Variants in BMP2K observed in about 807,000 individuals in gnomAD.
BMP2K encodes BMP2 inducible kinase, also known as BMP-2-inducible protein kinase.
In BMP2K, 74 loss-of-function variants were observed where a neutral mutation model predicts 116.0. That is an observed-to-expected ratio of 0.64 (90% confidence interval 0.53 to 0.77). The LOEUF (loss-of-function observed/expected upper bound fraction) is 0.77, where lower values mean the gene tolerates loss of function less well. Ranked by LOEUF, BMP2K falls within the 30% of genes least tolerant of loss-of-function variation. The pLI is 0.00. For synonymous variants in BMP2K, 486 were observed against 502.5 expected (o/e 0.97, Z 0.44); for missense variants, 1,365 against 1,403.6 (o/e 0.97, Z 0.44).
chr4:78,812,011 T>C (rs1306931338), intron 1 of BMP2K, among the ~76,000 whole-genome samples: 1 of 152,210 alleles, frequency 6.6e-6, no homozygotes. Flanking sequence ...CTCGCTCTTA[T>C]CACCCAGGCT....
intron 1 of BMP2K, among the ~76,000 whole-genome samples, chr4:78,793,528 C>T (rs1286517945): frequency 6.6e-6 from 1 of 151,646 alleles, no homozygotes; most frequent in East Asian, 1.9e-4. Flanking sequence ...TTATATAACC[C>T]ATGTAAGCAG....
chr4:78,852,442 A>G (rs571212672), intron 7 of BMP2K, among the ~76,000 whole-genome samples: 8 of 152,276 alleles, frequency 5.3e-5, no homozygotes, highest in East Asian at 1.9e-4. Flanking sequence ...TGAAATTACA[A>G]TATTCCTAGT....
intron 7 of BMP2K, 162 bp from the exon 8 acceptor site, chr4:78,859,422 A>C: frequency 2.1e-6 from 1 of 481,982 alleles, no homozygotes; most frequent in South Asian, 4.0e-5. Context: ...TTTATAAAAT[A>C]GCAATTTCTG....
At chr4:78,878,682 T>G in intron 13 of BMP2K, 52 bp from the exon 14 acceptor site, 1 of 1,408,230 alleles carries the variant, frequency 7.1e-7, no homozygotes, top group Non-Finnish European at 9.7e-7. Flanking sequence ...AATTTTTATT[T>G]ATTTTAATTT....
At chr4:78,815,674 A>G (rs906833510) in intron 1 of BMP2K, among the ~76,000 whole-genome samples, 5 of 152,162 alleles carry the variant, frequency 3.3e-5, no homozygotes, top group Non-Finnish European at 2.9e-5. Context: ...CATACATTCA[A>G]TTACTAATAA....
chr4:78,896,049 C>T (rs1278580489), intron 15 of BMP2K, among the ~76,000 whole-genome samples: 1 of 152,178 alleles, frequency 6.6e-6, no homozygotes, highest in Admixed American at 6.6e-5. Context: ...GTGAGCCATC[C>T]TGCCAAGTCC....
At chr4:78,871,261 T>C (rs1381747979) in intron 11 of BMP2K, among the ~76,000 whole-genome samples, 1 of 152,202 alleles carries the variant, frequency 6.6e-6, no homozygotes, top group African/African-American at 2.4e-5. Context: ...ATAGGTTGCA[T>C]TGTGGCCTTA....
intron 1 of BMP2K, among the ~76,000 whole-genome samples, chr4:78,818,277 C>A (rs1355355155): frequency 6.6e-6 from 1 of 152,066 alleles, no homozygotes; most frequent in Non-Finnish European, 1.5e-5. Flanking sequence ...AGGTATATAC[C>A]CAGTCACGGG....
intron 3 of BMP2K, among the ~76,000 whole-genome samples, chr4:78,838,187 A>G (rs1730585880): frequency 6.6e-6 from 1 of 152,114 alleles, no homozygotes; most frequent in South Asian, 2.1e-4. Context: ...TCCCTTTTTA[A>G]AACCATCGGA....
At chr4:78,897,458 A>G (rs1295409919) in intron 15 of BMP2K, among the ~76,000 whole-genome samples, 5 of 152,174 alleles carry the variant, frequency 3.3e-5, no homozygotes, top group East Asian at 1.9e-4. Context: ...AAAAATTTAT[A>G]ATGAAAAATT....
intron 15 of BMP2K, among the ~76,000 whole-genome samples, chr4:78,896,365 G>A (rs1188037235): frequency 6.6e-6 from 1 of 152,094 alleles, no homozygotes; most frequent in Non-Finnish European, 1.5e-5. Flanking sequence ...AAAATTATAT[G>A]AGTAAATTCT....
chr4:78,821,975 A>G (rs563213733), intron 1 of BMP2K, among the ~76,000 whole-genome samples: 4 of 152,230 alleles, frequency 2.6e-5, no homozygotes, highest in Non-Finnish European at 5.9e-5. Context: ...GGAATAAATA[A>G]TGGCTTACAA....
At chr4:78,801,478 C>T (rs908534073) in intron 1 of BMP2K, among the ~76,000 whole-genome samples, 9 of 151,988 alleles carry the variant, frequency 5.9e-5, no homozygotes, top group African/African-American at 1.9e-4. Flanking sequence ...TCTTAACAGT[C>T]GCTATGTATT....
intron 15 of BMP2K, among the ~76,000 whole-genome samples, chr4:78,892,098 T>C (rs552084939): frequency 1.3e-5 from 2 of 152,332 alleles, no homozygotes; most frequent in East Asian, 3.9e-4. Context: ...CAGAGTTATG[T>C]TGGTCTCGTA....
At chr4:78,860,084 G>A (rs1476128269) in intron 8 of BMP2K, 2 of 513,470 alleles carry the variant, frequency 3.9e-6, no homozygotes, top group African/African-American at 3.9e-5. Flanking sequence ...AACTGAGTAA[G>A]TTTGGGAAAC....
chr4:78,799,346 G>A (rs1281442197), intron 1 of BMP2K, among the ~76,000 whole-genome samples: 1 of 152,038 alleles, frequency 6.6e-6, no homozygotes, highest in East Asian at 1.9e-4. Flanking sequence ...GTTTCAGATG[G>A]TGCATAGACT....
At chr4:78,778,591 T>G (rs988160558) in intron 1 of BMP2K, among the ~76,000 whole-genome samples, 14 of 152,346 alleles carry the variant, frequency 9.2e-5, no homozygotes, top group African/African-American at 3.1e-4. Flanking sequence ...AGGTTTTCTT[T>G]CCTTGTGTAT....
At chr4:78,857,959 C>T (rs1731584435) in intron 7 of BMP2K, among the ~76,000 whole-genome samples, 1 of 151,944 alleles carries the variant, frequency 6.6e-6, no homozygotes, top group South Asian at 2.1e-4. Context: ...ACCTCATTAT[C>T]CTGTCCATCT....
chr4:78,777,350 C>A (rs956511013), intron 1 of BMP2K, among the ~76,000 whole-genome samples: 4 of 152,124 alleles, frequency 2.6e-5, no homozygotes, highest in African/African-American at 9.7e-5. Context: ...GCTATTCATG[C>A]CCTCCCAGTA....
Sources: allele counts gnomAD v4.1 joint callset (sites outside exome capture counted in the v4.1 genomes callset), GRCh38; gene constraint gnomAD v4.1.1; transcripts MANE v1.5; gene names NCBI Gene and HGNC (gene_info 2026-07-23, HGNC 2026-07-21).